The following REV3L variants were observed in gnomAD, a reference collection of about 807,000 sequenced individuals.
REV3L encodes DNA polymerase zeta catalytic subunit.
In REV3L, 69 loss-of-function variants were observed where a neutral mutation model predicts 299.4. The observed-to-expected ratio is 0.23, with a 90% CI of 0.19 to 0.28. The LOEUF (loss-of-function observed/expected upper bound fraction) is 0.28, where lower values mean the gene tolerates loss of function less well. Ranked by LOEUF, REV3L falls within the 10% of genes least tolerant of loss-of-function variation. REV3L has a pLI of 1.00. For missense variants in REV3L, 3,128 were observed against 3,693.8 expected, an observed-to-expected ratio of 0.85 and a Z score of 3.97; for synonymous variants, 1,238 against 1,271.4, an observed-to-expected ratio of 0.97 and a Z score of 0.56.
chr6:111,304,819 C>T (rs1400637611), intron 31 of REV3L, among the ~76,000 whole-genome samples: 1 of 151,956 alleles, frequency 6.6e-6, no homozygotes, highest in Non-Finnish European at 1.5e-5. Flanking sequence ...TCCATGAGTA[C>T]CCAATGTTCA....
At chr6:111,470,904 C>T (rs1792118152) in intron 1 of REV3L, among the ~76,000 whole-genome samples, 2 of 145,164 alleles carry the variant, frequency 1.4e-5, no homozygotes, top group South Asian at 2.2e-4. Flanking sequence ...CATTTGAACT[C>T]GGGAGGTGGA....
At chr6:111,437,450 A>C (rs1294842726) in intron 1 of REV3L, among the ~76,000 whole-genome samples, 1 of 151,836 alleles carries the variant, frequency 6.6e-6, no homozygotes, top group South Asian at 2.1e-4. Context: ...TATATATAAA[A>C]TTAAAATATT....
chr6:111,444,283 A>C (rs1788596097), intron 1 of REV3L, among the ~76,000 whole-genome samples: 1 of 152,242 alleles, frequency 6.6e-6, no homozygotes, highest in African/African-American at 2.4e-5. Flanking sequence ...CTGCCCAAGA[A>C]ATCAATCCAG....
chr6:111,468,249 A>T (rs1791741456), intron 1 of REV3L, among the ~76,000 whole-genome samples: 1 of 152,190 alleles, frequency 6.6e-6, no homozygotes, highest in South Asian at 2.1e-4. Flanking sequence ...CTTAAACCTA[A>T]CTTCATCTAA....
In REV3L at chr6:111,387,825, T is replaced by G; in HGVS notation, c.1036A>C (p.Met346Leu). 1 of 1,613,954 alleles carries G rather than the reference T, an allele frequency of 6.2e-7. No homozygotes were observed. The highest frequency in any genetic ancestry group is 8.5e-7 in the Non-Finnish European group (1 of 1,179,920). ...TLHSEVLSPE[M>L]LQCTPANMVE... ...ATATTGGCTGGTGTACACTGAAGCA[T>G]TTCAGGAGACAGAACCTCAGAGTGC... is the stretch of plus-strand genomic sequence containing the variant. Residue 346 changes from methionine to leucine, a missense_variant, in exon 9 of 32, where the codon ATG becomes CTG. By Grantham distance (15) the Met-to-Leu change is conservative. Transcript: ENST00000368802.
chr6:111,468,074 C>T (rs1791721870), intron 1 of REV3L, among the ~76,000 whole-genome samples: 2 of 152,048 alleles, frequency 1.3e-5, no homozygotes, highest in South Asian at 4.1e-4. Flanking sequence ...ACTGCCCGGT[C>T]AAAACGACTG....
intron 9 of REV3L, among the ~76,000 whole-genome samples, chr6:111,382,760 G>A (rs1357014913): frequency 6.6e-6 from 1 of 152,140 alleles, no homozygotes; most frequent in Non-Finnish European, 1.5e-5. Flanking sequence ...AGTAGCTGGG[G>A]CAGCTAAAGA....
chr6:111,436,017 A>T (rs1352319895), intron 1 of REV3L, among the ~76,000 whole-genome samples: 2 of 152,262 alleles, frequency 1.3e-5, no homozygotes, highest in Non-Finnish European at 2.9e-5. Context: ...GATATTTCTC[A>T]AAAGAAGACA....
intron 1 of REV3L, among the ~76,000 whole-genome samples, chr6:111,419,156 T>C (rs1785060347): frequency 6.6e-6 from 1 of 152,202 alleles, no homozygotes; most frequent in Non-Finnish European, 1.5e-5. Context: ...CTCTCTCCAG[T>C]GCTCCTGCAG....
intron 30 of REV3L, 103 bp from the exon 31 acceptor site, chr6:111,307,673 A>C (rs1772473983): frequency 9.6e-7 from 1 of 1,039,110 alleles, no homozygotes; most frequent in East Asian, 2.5e-5. Flanking sequence ...TCATTCGTTC[A>C]TTCACTCATT....
intron 25 of REV3L, among the ~76,000 whole-genome samples, chr6:111,327,785 A>G (rs1774994710): frequency 2.0e-5 from 3 of 152,202 alleles, no homozygotes; most frequent in Non-Finnish European, 4.4e-5. Context: ...ATCCAGCACA[A>G]AATCATATTA....
intron 26 of REV3L, among the ~76,000 whole-genome samples, chr6:111,322,124 G>A (rs187814746): frequency 6.6e-6 from 1 of 152,242 alleles, no homozygotes; most frequent in African/African-American, 2.4e-5. Context: ...TCTCTTAGAA[G>A]GTCAACATAT....
intron 28 of REV3L, 108 bp from the exon 29 acceptor site, chr6:111,311,367 CTAAA>C: frequency 1.5e-6 from 1 of 671,028 alleles, no homozygotes; most frequent in Non-Finnish European, 2.4e-6. Context: ...GCTAACCTAC[CTAAA>C]TAATCTGTTA....
At chr6:111,333,538 G>A (rs1262770578) in intron 22 of REV3L, among the ~76,000 whole-genome samples, 171 bp from the exon 23 acceptor site, 3 of 151,522 alleles carry the variant, frequency 2.0e-5, no homozygotes, top group Non-Finnish European at 2.9e-5. Flanking sequence ...ACGATGGCAC[G>A]ATTGCGGCTC....
chr6:111,406,335 C>G (rs1265748425), intron 3 of REV3L, among the ~76,000 whole-genome samples: 1 of 152,116 alleles, frequency 6.6e-6, no homozygotes, highest in East Asian at 1.9e-4. Context: ...AGACTGTGAC[C>G]TAGTGTCAGA....
intron 14 of REV3L, among the ~76,000 whole-genome samples, chr6:111,365,823 GTAAC>G (rs1311838488): frequency 4.6e-5 from 7 of 152,180 alleles, no homozygotes; most frequent in African/African-American, 7.2e-5. Flanking sequence ...GAAGAGAGTA[GTAAC>G]TAACTAAGAA....
intron 20 of REV3L, 99 bp downstream of exon 20, chr6:111,349,119 T>A (rs1192307635): frequency 1.6e-6 from 1 of 636,986 alleles, no homozygotes; most frequent in East Asian, 2.7e-5. Context: ...GACAAACGCA[T>A]AAGCTATATA....
At chr6:111,357,146 C>A in intron 17 of REV3L, 21 bp from the exon 18 acceptor site, 1 of 1,069,570 alleles carries the variant, frequency 9.3e-7, no homozygotes, top group South Asian at 1.7e-5. Context: ...AACAAAATGT[C>A]TATTATATAT....
chr6:111,356,107 T>G (rs532139650), intron 18 of REV3L, among the ~76,000 whole-genome samples: 47 of 152,288 alleles, frequency 3.1e-4, no homozygotes, highest in African/African-American at 9.1e-4. Flanking sequence ...TGTAGAATAC[T>G]GATTTAGTTT....
Sources: allele counts gnomAD v4.1 joint callset (sites outside exome capture counted in the v4.1 genomes callset), GRCh38; gene constraint gnomAD v4.1.1; transcripts MANE v1.5; gene names NCBI Gene and HGNC (gene_info 2026-07-23, HGNC 2026-07-21).